ST3GAL1: variants seen among roughly 807,000 people sequenced by gnomAD.
ST3GAL1 encodes ST3 beta-galactoside alpha-2,3-sialyltransferase 1.
Under a neutral mutation model 34.1 loss-of-function variants are expected in ST3GAL1, and 16 were observed. The observed-to-expected ratio is 0.47, with a 90% confidence interval of 0.32 to 0.71. The LOEUF is 0.71. Ranked by LOEUF, ST3GAL1 falls within the 30% of genes least tolerant of loss-of-function variation. ST3GAL1 has a pLI of 0.04. For synonymous variants in ST3GAL1, 191 were observed against 184.7 expected, an observed-to-expected ratio of 1.03 and a Z score of -0.28; for missense variants, 353 against 447.4, an observed-to-expected ratio of 0.79 and a Z score of 1.90.
At chr8:133,551,607 A>AAAGAAAGG (rs1818864912) in intron 1 of ST3GAL1, among the ~76,000 whole-genome samples, 2 of 149,144 alleles carry the variant, frequency 1.3e-5, no homozygotes, top group African/African-American at 2.5e-5. Context: ...AGAAAGAAAG[A>AAAGAAAGG]AAGAAAGAAA....
chr8:133,502,051 G>A (rs951406464), intron 2 of ST3GAL1, among the ~76,000 whole-genome samples: 6 of 152,086 alleles, frequency 3.9e-5, no homozygotes, highest in African/African-American at 1.4e-4. Flanking sequence ...TCCATTTCCT[G>A]GTCACCTCAT....
intron 5 of ST3GAL1, among the ~76,000 whole-genome samples, chr8:133,470,351 G>A (rs1293944612): frequency 1.3e-5 from 2 of 151,890 alleles, no homozygotes; most frequent in African/African-American, 2.4e-5. Context: ...CCCAGGAGGC[G>A]GAGGTTGTGG....
intron 2 of ST3GAL1, among the ~76,000 whole-genome samples, chr8:133,517,648 C>T (rs1429656190): frequency 6.6e-6 from 1 of 152,248 alleles, no homozygotes; most frequent in Non-Finnish European, 1.5e-5. Flanking sequence ...ACGCGCCCGG[C>T]CCAGACTTGG....
At position 133,558,351 on chromosome 8, in the gene ST3GAL1, C is replaced by T. The variant is rs1227376400; in HGVS notation, c.-581-12425G>A. Among the ~76,000 whole-genome samples, 4 of 152,176 alleles carry T rather than the reference C, an allele frequency of 2.6e-5. No individual in the cohort carries two copies. In the East Asian group the frequency reaches 7.7e-4, roughly 29 times the overall value. On this transcript the variant is annotated intron_variant, in intron 1 of 9. Coordinates refer to ENST00000522652, the MANE Select transcript of ST3GAL1 (RefSeq NM_173344.3). The stretch of plus-strand genomic sequence containing the variant: ...CTGGGAGGTAGGTACCATTGTTATC[C>T]AGATTTTATGGATGAGGAAAGGGAA...
At chr8:133,551,391 C>T (rs1045701776) in intron 1 of ST3GAL1, among the ~76,000 whole-genome samples, 8 of 151,550 alleles carry the variant, frequency 5.3e-5, no homozygotes, top group Non-Finnish European at 1.2e-4. Context: ...TCACTTGAAC[C>T]CAGGAGGCAG....
chr8:133,548,769 T>C (rs1818744020), intron 1 of ST3GAL1, among the ~76,000 whole-genome samples: 2 of 152,366 alleles, frequency 1.3e-5, no homozygotes, highest in Admixed American at 6.5e-5. Context: ...ATCCCACTGT[T>C]GGTTGCTCTC....
chr8:133,470,444 C>A (rs1039305062), intron 5 of ST3GAL1, among the ~76,000 whole-genome samples: 1 of 151,930 alleles, frequency 6.6e-6, no homozygotes, highest in Non-Finnish European at 1.5e-5. Flanking sequence ...TATGACAGTG[C>A]TACTGATATG....
intron 5 of ST3GAL1, among the ~76,000 whole-genome samples, chr8:133,474,086 C>T (rs944078633): frequency 2.0e-5 from 3 of 152,216 alleles, no homozygotes; most frequent in African/African-American, 7.2e-5. Context: ...GGCTTTTGAC[C>T]TTTCTAAGTC....
intron 2 of ST3GAL1, among the ~76,000 whole-genome samples, chr8:133,520,244 G>A (rs996960905): frequency 3.3e-5 from 5 of 152,204 alleles, no homozygotes; most frequent in African/African-American, 9.6e-5. Flanking sequence ...AACATAGAGA[G>A]GCTGGAGCCG....
chr8:133,468,599 CG>C (rs1815833467), intron 5 of ST3GAL1, among the ~76,000 whole-genome samples: 1 of 152,160 alleles, frequency 6.6e-6, no homozygotes, highest in African/African-American at 2.4e-5. Context: ...GCTACTGAAT[CG>C]TACACACACA....
In ST3GAL1 at chr8:133,456,146, T is replaced by C. The variant is rs1462266738; in HGVS notation, c.*3618A>G. Reference sequence around the variant, plus strand: ...GAGTTTTAAAAGGCATTCATCCATTTATGAACTTTCTTCCAGCCCAGGATC... The same window carrying C: ...GAGTTTTAAAAGGCATTCATCCATTCATGAACTTTCTTCCAGCCCAGGATC... On this transcript the variant is annotated 3_prime_UTR_variant, in exon 10 of 10. Coordinates refer to ENST00000522652, the MANE Select transcript of ST3GAL1 (RefSeq NM_173344.3). 6.6e-6 allele frequency: 1 copy of C among 152,224 alleles called. No individual in the cohort carries two copies. The highest frequency in any genetic ancestry group is 1.9e-4 in the East Asian group (1 of 5,202). The allele number at this position is 152,224 out of a possible 1,614,324, so 9.4% of individuals were successfully genotyped here.
intron 2 of ST3GAL1, among the ~76,000 whole-genome samples, chr8:133,507,665 C>A (rs1040683641): frequency 5.9e-5 from 9 of 152,156 alleles, no homozygotes; most frequent in Non-Finnish European, 1.2e-4. Flanking sequence ...CAGGCCAGCC[C>A]AAAGGACGAG....
At chr8:133,481,097 G>A (rs1161796482) in intron 3 of ST3GAL1, among the ~76,000 whole-genome samples, 1 of 152,068 alleles carries the variant, frequency 6.6e-6, no homozygotes, top group African/African-American at 2.4e-5. Flanking sequence ...CTATTTTCTC[G>A]GTTGCTCTTT....
At chr8:133,503,238 G>C (rs945457206) in intron 2 of ST3GAL1, among the ~76,000 whole-genome samples, 1 of 151,934 alleles carries the variant, frequency 6.6e-6, no homozygotes, top group South Asian at 2.1e-4. Flanking sequence ...GTATTCTAAC[G>C]CCCCCCAACA....
chr8:133,486,966 C>T (rs546911650), intron 3 of ST3GAL1, among the ~76,000 whole-genome samples: 13 of 152,270 alleles, frequency 8.5e-5, no homozygotes, highest in South Asian at 2.1e-4. Context: ...TTTATTGAGA[C>T]GGAGTCTCGC....
chr8:133,536,935 C>G (rs1818329356), intron 2 of ST3GAL1, among the ~76,000 whole-genome samples: 1 of 152,150 alleles, frequency 6.6e-6, no homozygotes, highest in African/African-American at 2.4e-5. Context: ...GACTTCTGTG[C>G]CCACACACCA....
chr8:133,511,634 A>G (rs1238011144), intron 2 of ST3GAL1, among the ~76,000 whole-genome samples: 1 of 152,230 alleles, frequency 6.6e-6, no homozygotes, highest in Non-Finnish European at 1.5e-5. Flanking sequence ...AACGTGCCAC[A>G]CCAACAGATA....
intron 2 of ST3GAL1, among the ~76,000 whole-genome samples, chr8:133,520,408 C>T (rs1817768903): frequency 6.6e-6 from 1 of 152,140 alleles, no homozygotes; most frequent in Non-Finnish European, 1.5e-5. Context: ...CAAAATGCTC[C>T]TAGTTGTTCC....
chr8:133,541,408 G>A (rs1187205000), intron 2 of ST3GAL1, among the ~76,000 whole-genome samples: 1 of 152,050 alleles, frequency 6.6e-6, no homozygotes, highest in African/African-American at 2.4e-5. Context: ...GCCTGGTTCT[G>A]TAATCACACC....
Sources: gnomAD v4.1 joint callset for allele counts (sites outside exome capture counted in the v4.1 genomes callset) on GRCh38, gnomAD v4.1.1 for gene constraint, MANE v1.5 for transcripts, NCBI Gene and HGNC (gene_info 2026-07-23, HGNC 2026-07-21) for gene names.